PSEN1: variants seen among roughly 807,000 people sequenced by gnomAD.
PSEN1 encodes presenilin-1.
A neutral mutation model predicts 53.5 loss-of-function variants in PSEN1; 15 were observed. The ratio of observed to expected loss-of-function variants is 0.28; its 90% CI spans 0.19 to 0.43. The LOEUF (loss-of-function observed/expected upper bound fraction) is 0.43, where lower values mean the gene tolerates loss of function less well. PSEN1 is among the 20% of genes least tolerant of loss of function. The pLI is 1.00. For synonymous variants in PSEN1, 208 were observed against 209.8 expected (o/e 0.99, Z 0.08); for missense variants, 387 against 571.2 (o/e 0.68, Z 3.29).
chr14:73,201,128 G>A (rs566833862), intron 8 of PSEN1, among the ~76,000 whole-genome samples: 12 of 152,084 alleles, frequency 7.9e-5, no homozygotes, highest in South Asian at 4.2e-4. Flanking sequence ...TTGCTGTGTC[G>A]CCCAGGCTGG....
chr14:73,171,818 G>A (rs536732471), intron 4 of PSEN1, among the ~76,000 whole-genome samples: 26 of 152,264 alleles, frequency 1.7e-4, no homozygotes, highest in Non-Finnish European at 3.1e-4. Context: ...ACATACTGGC[G>A]TATTAATTCT....
At chr14:73,206,522 T>C (rs201394035) in intron 9 of PSEN1, 50 bp downstream of exon 9, 64 of 1,242,110 alleles carry the variant, frequency 5.2e-5, no homozygotes, top group South Asian at 4.3e-4. Context: ...GTCACTGTTA[T>C]AAGCTAACAG....
In PSEN1 at chr14:73,186,847, T is replaced by G. The variant is rs1172979044; in HGVS notation, c.481-6T>G. 6.2e-7 allele frequency: 1 copy of G among 1,607,364 alleles called. No individual in the cohort carries two copies. Among genetic ancestry groups the G allele is most frequent in the Non-Finnish European group, 8.5e-7 (1 of 1,173,884 alleles). ...GTTAATTATATTGAAATGCTTTCTT[T>G]TCTAGGTCATCCATGCCTGGCTTAT... is the stretch of plus-strand genomic sequence containing the variant. On this transcript the variant is annotated splice_polypyrimidine_tract_variant and splice_region_variant and intron_variant, in intron 5 of 11. Transcript: ENST00000324501.
intron 8 of PSEN1, among the ~76,000 whole-genome samples, chr14:73,199,611 C>T (rs886743365): frequency 6.6e-6 from 1 of 152,118 alleles, no homozygotes; most frequent in Non-Finnish European, 1.5e-5. Context: ...AAAATGTATT[C>T]TTACAGTAGA....
intron 6 of PSEN1, among the ~76,000 whole-genome samples, chr14:73,188,709 C>T (rs570447127): frequency 6.6e-6 from 1 of 152,260 alleles, no homozygotes; most frequent in East Asian, 1.9e-4. Flanking sequence ...CAATGTCATC[C>T]TCATAGGGAA....
intron 5 of PSEN1, among the ~76,000 whole-genome samples, chr14:73,179,465 A>C (rs1173438934): frequency 1.3e-5 from 2 of 152,100 alleles, no homozygotes; most frequent in Non-Finnish European, 2.9e-5. Context: ...AAAATACAAA[A>C]AATTAGCCAG....
At chr14:73,192,208 C>T (rs987681293) in intron 6 of PSEN1, among the ~76,000 whole-genome samples, 9 of 151,986 alleles carry the variant, frequency 5.9e-5, no homozygotes, top group East Asian at 3.9e-4. Flanking sequence ...GAGGCTGAGA[C>T]GGGTGGATTG....
chr14:73,191,567 T>C (rs1898718617), intron 6 of PSEN1, among the ~76,000 whole-genome samples: 2 of 152,052 alleles, frequency 1.3e-5, no homozygotes, highest in South Asian at 4.1e-4. Context: ...TCTTTTTTAG[T>C]TTTAGGGTCT....
Position 73,212,143 on chromosome 14 carries a change from G to T in PSEN1, c.1129+201G>T, listed in dbSNP as rs186170275. Among the ~76,000 whole-genome samples, 8 of 95,030 alleles carry T rather than the reference G, an allele frequency of 8.4e-5. No homozygotes were observed. The South Asian group carries it at 2.6e-3, about 31-fold the overall frequency. 62.3% of individuals were successfully genotyped at this position (95,030 alleles called of 152,430 possible). ...TTTTTTTTTTTTGAGACAGAGTCTC[G>T]CTCTGTCGCCAGGTTGGAGTGCAAT... On this transcript the variant is annotated intron_variant, in intron 10 of 11. Transcript: ENST00000324501.
intron 6 of PSEN1, among the ~76,000 whole-genome samples, chr14:73,187,287 T>G (rs1405114270): frequency 6.6e-6 from 1 of 152,194 alleles, no homozygotes; most frequent in African/African-American, 2.4e-5. Context: ...TATCAGTGAC[T>G]CTTTTTTCTT....
In PSEN1 at chr14:73,219,491, T is replaced by TA; in HGVS notation, c.*203dup. The TA allele has an allele frequency of 1.6e-6, 1 of 611,044 alleles. No individual in the cohort carries two copies. The highest frequency in any genetic ancestry group is 2.9e-6 in the Non-Finnish European group (1 of 342,400). 37.9% of individuals were successfully genotyped at this position (611,044 alleles called of 1,614,324 possible). ...TGCCTATAGAAAACGATTTTGAACA[T>TA]ACTTCATCGCAGTGGACTGTGTCCC... is the stretch of plus-strand genomic sequence containing the variant. On this transcript the variant is annotated 3_prime_UTR_variant, in exon 12 of 12. Transcript: ENST00000324501.
chr14:73,173,772 C>G, intron 5 of PSEN1, 65 bp downstream of exon 5: 1 of 1,549,788 alleles, frequency 6.5e-7, no homozygotes, highest in Non-Finnish European at 8.9e-7. Context: ...ATTCTTGTCA[C>G]AGTAACTTAA....
chr14:73,166,401 T>C (rs1008841435), intron 3 of PSEN1, among the ~76,000 whole-genome samples: 3 of 152,224 alleles, frequency 2.0e-5, no homozygotes, highest in African/African-American at 7.2e-5. Context: ...GTTGTGAGAT[T>C]TTTGGATCAG....
chr14:73,149,529 C>T (rs929830057), intron 3 of PSEN1, among the ~76,000 whole-genome samples: 6 of 152,174 alleles, frequency 3.9e-5, no homozygotes, highest in Non-Finnish European at 7.3e-5. Flanking sequence ...GGATTCTTCA[C>T]TTTTCCCATC....
intron 3 of PSEN1, among the ~76,000 whole-genome samples, chr14:73,150,501 C>T (rs549099953): frequency 1.3e-5 from 2 of 152,188 alleles, no homozygotes; most frequent in East Asian, 1.9e-4. Context: ...TGGTGGCTCA[C>T]GCCTGTAATC....
intron 5 of PSEN1, among the ~76,000 whole-genome samples, chr14:73,180,070 C>T (rs1434844387): frequency 1.3e-5 from 2 of 152,036 alleles, no homozygotes; most frequent in African/African-American, 2.4e-5. Flanking sequence ...CTGCAACCTC[C>T]GCCTCCTGGG....
At chr14:73,180,536 G>A (rs1898179687) in intron 5 of PSEN1, among the ~76,000 whole-genome samples, 1 of 152,228 alleles carries the variant, frequency 6.6e-6, no homozygotes, top group African/African-American at 2.4e-5. Context: ...GTTATGCAAT[G>A]TCTGTGGCAA....
intron 7 of PSEN1, among the ~76,000 whole-genome samples, chr14:73,194,278 ATC>A (rs1244098647): frequency 1.3e-5 from 2 of 150,846 alleles, no homozygotes; most frequent in South Asian, 2.1e-4. Context: ...CAAAGACAGG[ATC>A]TCTCTCTGTC....
chr14:73,213,482 C>G (rs1464275276), intron 10 of PSEN1, among the ~76,000 whole-genome samples: 1 of 152,026 alleles, frequency 6.6e-6, no homozygotes, highest in African/African-American at 2.4e-5. Flanking sequence ...TTCTCTGAAG[C>G]CAATGCAAAG....
Sources: allele counts gnomAD v4.1 joint callset (sites outside exome capture counted in the v4.1 genomes callset), GRCh38; gene constraint gnomAD v4.1.1; transcripts MANE v1.5; gene names NCBI Gene and HGNC (gene_info 2026-07-23, HGNC 2026-07-21).